The following C16orf96 variants were observed in gnomAD, a reference collection of about 807,000 sequenced individuals.
C16orf96 encodes the protein chromosome 16 open reading frame 96, also known as uncharacterized protein C16orf96.
A neutral mutation model predicts 103.6 loss-of-function variants in C16orf96; 108 were observed. The observed-to-expected ratio is 1.04, with a 90% CI of 0.89 to 1.22. The LOEUF (loss-of-function observed/expected upper bound fraction) is 1.22, where lower values mean the gene tolerates loss of function less well. Among genes scored for constraint, C16orf96 ranks in the 50% most tolerant of loss-of-function variants. The pLI is 0.00. For synonymous variants in C16orf96, 566 were observed against 593.5 expected (o/e 0.95, Z 0.67); for missense variants, 1,586 against 1,464.2 (o/e 1.08, Z -1.36).
At chr16:4,582,134 T>C (rs1298889523) in intron 7 of C16orf96, among the ~76,000 whole-genome samples, 6 of 151,646 alleles carry the variant, frequency 4.0e-5, no homozygotes, top group African/African-American at 1.5e-4. Flanking sequence ...ATACAAAAAT[T>C]AGCCGGGCAT....
At chr16:4,597,313 C>T (rs964239608) in intron 14 of C16orf96, among the ~76,000 whole-genome samples, 2 of 152,172 alleles carry the variant, frequency 1.3e-5, no homozygotes, top group Non-Finnish European at 2.9e-5. Context: ...AGGCCCTGCC[C>T]CACCTCCTTC....
rs567669024 is a variant in C16orf96, at chr16:4,590,462, G to A, written c.2593-1204G>A. Among the ~76,000 whole-genome samples the A allele has an allele frequency of 7.5e-4, 114 of 151,808 alleles. 1 individual carries two copies. Among genetic ancestry groups the A allele is most frequent in the African/African-American group, 2.3e-3 (94 of 41,360 alleles). ...AATCCCAGCTACTCGGGAGACTGAG[G>A]CAAGGAGAATCGCTTGAACCCGGGA... On this transcript the variant is annotated intron_variant, in intron 9 of 15. Transcript: ENST00000444310.
In C16orf96 at chr16:4,576,106, A is replaced by C. The variant is rs931628165; in HGVS notation, c.1626A>C (p.Arg542Ser). ...RGGKDGDPKDRVGKDGAPKEA... is the reference protein window; with the variant it reads ...RGGKDGDPKDSVGKDGAPKEA... Reference sequence around the variant, plus strand: ...GCAAAGATGGGGACCCCAAGGATAGAGTTGGCAAGGATGGGGCCCCCAAGG... The same window carrying C: ...GCAAAGATGGGGACCCCAAGGATAGCGTTGGCAAGGATGGGGCCCCCAAGG... The change falls in exon 5 of 16, where the codon AGA (arginine) becomes AGC (serine). Residue 542 changes from arginine (R) to serine (S), a missense_variant. Physicochemically the swap from Arg to Ser is moderately radical, Grantham distance 110. Transcript: ENST00000444310. The C allele has an allele frequency of 3.9e-6, 6 of 1,550,782 alleles. No individual in the cohort carries two copies. The highest frequency in any genetic ancestry group is 2.7e-5 in the African/African-American group (2 of 72,782).
chr16:4,540,885 A>G, the C16orf96 span, among the ~76,000 whole-genome samples: 1 of 151,408 alleles, frequency 6.6e-6, no homozygotes, highest in Non-Finnish European at 1.5e-5. Flanking sequence ...CTGGGATTAC[A>G]GGCATAAGCC....
chr16:4,563,642 T>C (rs2059356080), intron 1 of C16orf96, among the ~76,000 whole-genome samples: 1 of 152,008 alleles, frequency 6.6e-6, no homozygotes, highest in African/African-American at 2.4e-5. Flanking sequence ...GATCTTGGCT[T>C]ACTGCAGCCT....
chr16:4,575,154 C>CTCTG lies in C16orf96; in HGVS notation c.694-19_694-16dup. ...GCGGGGCTGGAAGCCAGCAGAGCCC[C>CTCTG]TCTGCCCCCTCTTCTGCAGGAAATT... On this transcript the variant is annotated intron_variant, in intron 4 of 15. Coordinates refer to ENST00000444310, the MANE Select transcript of C16orf96 (RefSeq NM_001145011.2). 1 of 1,545,100 alleles carries CTCTG rather than the reference C, an allele frequency of 6.5e-7. No homozygotes were observed.
chr16:4,551,159 C>G, the C16orf96 span, among the ~76,000 whole-genome samples: 3 of 152,192 alleles, frequency 2.0e-5, no homozygotes, highest in African/African-American at 7.2e-5. Flanking sequence ...ATGGTTTTAG[C>G]TACTCGGAGG....
chr16:4,594,309 A>G (rs1191026339), intron 12 of C16orf96, 42 bp from the exon 13 acceptor site: 1 of 1,542,936 alleles, frequency 6.5e-7, no homozygotes, highest in Non-Finnish European at 8.8e-7. Context: ...GCTCTGGGGT[A>G]CAGGGTCTCC....
rs2059262374 is a variant in C16orf96, at chr16:4,556,388, G to A, written c.-102G>A. On this transcript the variant is annotated 5_prime_UTR_variant, in exon 1 of 16. Coordinates refer to ENST00000444310, the MANE Select transcript of C16orf96 (RefSeq NM_001145011.2). Reference sequence around the variant, plus strand: ...ACTGCTGTGACTCACCACCACCCCAGGCCTCTGAGGACCAGTCCATGTAGC... The same window carrying A: ...ACTGCTGTGACTCACCACCACCCCAAGCCTCTGAGGACCAGTCCATGTAGC... 1.5e-5 allele frequency: 18 copies of A among 1,239,762 alleles called. No individual in the cohort carries two copies. The highest frequency in any genetic ancestry group is 5.6e-5 in the Admixed American group (2 of 35,512). The allele number at this position is 1,239,762 out of a possible 1,614,324, so 76.8% of individuals were successfully genotyped here. A position where few individuals can be genotyped will look rare whatever the true frequency, so the allele number is the denominator to read the frequency against.
chr16:4,578,735 T>A (rs964458016), intron 5 of C16orf96, among the ~76,000 whole-genome samples: 6 of 151,958 alleles, frequency 3.9e-5, no homozygotes, highest in African/African-American at 1.4e-4. Context: ...TCCAGCCTGG[T>A]GACAGAGCGA....
At chr16:4,578,241 C>T (rs916574903) in intron 5 of C16orf96, among the ~76,000 whole-genome samples, 6 of 152,186 alleles carry the variant, frequency 3.9e-5, no homozygotes, top group Middle Eastern at 3.4e-3. Context: ...CTCCTGGGTT[C>T]GAGAGATTCT....
Position 4,590,957 on chromosome 16 carries a change from G to A in C16orf96, c.2593-709G>A, listed in dbSNP as rs561874606. Among the ~76,000 whole-genome samples, 3 of 152,120 alleles carry A rather than the reference G, an allele frequency of 2.0e-5. No individual in the cohort carries two copies. The East Asian group carries it at 5.8e-4, about 29-fold the overall frequency. On this transcript the variant is annotated intron_variant, in intron 9 of 15. Transcript: ENST00000444310. ...TGAGGCAGGAGAATTGCTTGAACCT[G>A]GGAGGCGGAGGTTGCAGTGAGCTGA...
At chr16:4,579,210 G>C (rs796208786) in intron 6 of C16orf96, among the ~76,000 whole-genome samples, 185 bp downstream of exon 6, 73 of 152,076 alleles carry the variant, frequency 4.8e-4, no homozygotes, top group South Asian at 1.2e-3. Flanking sequence ...GCGGTGGGGG[G>C]GCCCAGCAGG....
At chr16:4,584,740 G>A (rs182993772) in intron 7 of C16orf96, among the ~76,000 whole-genome samples, 1 of 151,978 alleles carries the variant, frequency 6.6e-6, no homozygotes, top group African/African-American at 2.4e-5. Flanking sequence ...CACCACATTG[G>A]CCAGGCTGGT....
Position 4,556,854 on chromosome 16 carries a change from G to A in C16orf96, c.365G>A (p.Trp122Ter). The A allele has an allele frequency of 6.4e-7, 1 of 1,551,304 alleles. No homozygotes were observed. ...ACTGCCCGGCCCGTCCAGGACCTGT[G>A]GCATCTGATCAAGCTCCGGAAGATG... ...QGTARPVQDL[W>*]HLIKLRKMVE... The change falls in exon 1 of 16, where the codon TGG becomes TAG. Residue 122 changes from tryptophan (W) to a stop codon, truncating the protein, a stop_gained. Transcript: ENST00000444310. LOFTEE classifies it high-confidence loss of function.
At chr16:4,595,265 C>T (rs1242424362) in intron 14 of C16orf96, among the ~76,000 whole-genome samples, 1 of 152,174 alleles carries the variant, frequency 6.6e-6, no homozygotes, top group Non-Finnish European at 1.5e-5. Flanking sequence ...GTGGAAGCCA[C>T]TCACAGGCAG....
At chr16:4,544,978 A>C in the C16orf96 span, among the ~76,000 whole-genome samples, 14 of 152,204 alleles carry the variant, frequency 9.2e-5, no homozygotes, top group Admixed American at 7.2e-4. Context: ...AAGATAAAAC[A>C]CACAGCCGCA....
chr16:4,589,998 C>T (rs890849676), intron 9 of C16orf96, among the ~76,000 whole-genome samples: 5 of 152,120 alleles, frequency 3.3e-5, no homozygotes, highest in Admixed American at 6.6e-5. Flanking sequence ...TGGTGGCGGG[C>T]GCCTGTAGTC....
intron 13 of C16orf96, 69 bp from the exon 14 acceptor site, chr16:4,594,634 TG>T: frequency 6.5e-7 from 1 of 1,541,462 alleles, no homozygotes. Context: ...CCTGGGCTTC[TG>T]CGTGTACCAA....
Sources: allele counts gnomAD v4.1 joint callset (sites outside exome capture counted in the v4.1 genomes callset), GRCh38; gene constraint gnomAD v4.1.1; transcripts MANE v1.5; gene names NCBI Gene and HGNC (gene_info 2026-07-23, HGNC 2026-07-21).